Variants in YIPF1 observed in about 807,000 individuals in gnomAD.
The protein encoded by YIPF1 is protein YIPF1.
Under a neutral mutation model 37.0 loss-of-function variants are expected in YIPF1, and 22 were observed. The ratio of observed to expected loss-of-function variants is 0.59; its 90% CI spans 0.42 to 0.85. The LOEUF (loss-of-function observed/expected upper bound fraction) is 0.85, where lower values mean the gene tolerates loss of function less well. YIPF1 is among the 40% of genes least tolerant of loss of function. YIPF1 has a pLI of 0.00. For missense variants in YIPF1, 355 were observed against 373.1 expected (o/e 0.95, Z 0.40); for synonymous variants, 128 against 131.9 (o/e 0.97, Z 0.21).
At chr1:53,854,955 T>C (rs1041321792) in intron 10 of YIPF1, 5 of 151,694 alleles carry the variant, frequency 3.3e-5, no homozygotes, top group African/African-American at 1.2e-4. Context: ...TAGAAGAACA[T>C]ACGAGAGCTG....
chr1:53,869,872 CT>C (rs11304446), intron 7 of YIPF1, among the ~76,000 whole-genome samples: 41,789 of 125,406 alleles, frequency 0.33, 5,204 homozygotes, highest in East Asian at 0.49. Flanking sequence ...TTTCTCCCCG[CT>C]TTTTTTTTTT....
intron 7 of YIPF1, among the ~76,000 whole-genome samples, chr1:53,869,632 C>T (rs576987483): frequency 1.3e-5 from 2 of 152,142 alleles, no homozygotes; most frequent in South Asian, 4.1e-4. Context: ...AGGGAGAGAG[C>T]GAGGGAACTG....
chr1:53,859,851 A>G (rs1222046444), intron 10 of YIPF1, among the ~76,000 whole-genome samples: 1 of 152,178 alleles, frequency 6.6e-6, no homozygotes, highest in Non-Finnish European at 1.5e-5. Context: ...AACTCTATAA[A>G]GCCAGTATCA....
intron 10 of YIPF1, among the ~76,000 whole-genome samples, chr1:53,856,428 T>C (rs773794257): frequency 1.3e-5 from 2 of 152,220 alleles, no homozygotes; most frequent in Non-Finnish European, 2.9e-5. Flanking sequence ...CCCAGGAAAC[T>C]GTTGCCATTG....
chr1:53,888,694 A>G (rs1650721475), intron 3 of YIPF1, among the ~76,000 whole-genome samples: 1 of 152,186 alleles, frequency 6.6e-6, no homozygotes, highest in African/African-American at 2.4e-5. Context: ...AATTTATGAT[A>G]CTCGTTACCA....
intron 9 of YIPF1, among the ~76,000 whole-genome samples, chr1:53,863,780 C>T (rs1385185749): frequency 2.0e-5 from 3 of 152,122 alleles, no homozygotes; most frequent in Non-Finnish European, 4.4e-5. Context: ...CGATCTGTCA[C>T]CCAGGCTGGA....
intron 6 of YIPF1, among the ~76,000 whole-genome samples, chr1:53,873,770 G>C (rs547019690): frequency 1.2e-4 from 18 of 152,104 alleles, no homozygotes; most frequent in African/African-American, 4.1e-4. Context: ...GAGGCAGGCA[G>C]ATCACTTGAG....
chr1:53,859,214 G>A (rs1288018869), intron 10 of YIPF1, among the ~76,000 whole-genome samples: 1 of 152,184 alleles, frequency 6.6e-6, no homozygotes, highest in African/African-American at 2.4e-5. Context: ...TAACTGGGGA[G>A]ACATTGTAGT....
At chr1:53,884,149 T>G (rs112094986) in intron 3 of YIPF1, among the ~76,000 whole-genome samples, 37 of 149,466 alleles carry the variant, frequency 2.5e-4, no homozygotes, top group African/African-American at 8.7e-4. Flanking sequence ...GCAAGAGGAC[T>G]GCTCGAGCCT....
intron 9 of YIPF1, among the ~76,000 whole-genome samples, chr1:53,863,741 C>CT (rs139787412): frequency 0.02 from 3,061 of 151,768 alleles, 110 homozygotes; most frequent in African/African-American, 0.07. Flanking sequence ...GAAATGGGTT[C>CT]TTTTTTTTGT....
At chr1:53,861,681 GGAGA>G (rs1297728321) in intron 9 of YIPF1, among the ~76,000 whole-genome samples, 104 of 131,320 alleles carry the variant, frequency 7.9e-4, no homozygotes, top group South Asian at 3.7e-3. Flanking sequence ...AGGAAGGAAG[GGAGA>G]GAGAGAGGGA....
chr1:53,875,577 A>G (rs1048074348), intron 6 of YIPF1, among the ~76,000 whole-genome samples: 1 of 152,226 alleles, frequency 6.6e-6, no homozygotes, highest in African/African-American at 2.4e-5. Context: ...GCATTCAAGC[A>G]AATGCCAAAG....
chr1:53,866,377 C>T lies in YIPF1; in HGVS notation c.654G>A (p.Leu218=). The part of the protein sequence containing the change: ...SLFIYIPTAI[L]WIIPQKAVRW... ...GAACAGCTTTCTGGGGGATAATCCA[C>T]AGTATCTGAAAGAAGAGAAAAGGAG... is the stretch of plus-strand genomic sequence containing the variant. Residue 218 remains leucine (L), a synonymous_variant, in exon 9 of 11, where the codon CTG becomes CTA. Transcript: ENST00000072644. 1 of 1,613,730 alleles carries T rather than the reference C, an allele frequency of 6.2e-7. No homozygotes were observed. Among genetic ancestry groups the T allele is most frequent in the Non-Finnish European group, 8.5e-7 (1 of 1,179,794 alleles).
At chr1:53,860,202 G>T in intron 9 of YIPF1, 49 bp from the exon 10 acceptor site, 1 of 1,590,132 alleles carries the variant, frequency 6.3e-7, no homozygotes, top group Non-Finnish European at 8.6e-7. Context: ...CAGTGGTCCG[G>T]GTAAGTGTTT....
intron 3 of YIPF1, among the ~76,000 whole-genome samples, chr1:53,887,255 T>C (rs148295956): frequency 0.042 from 6,339 of 151,964 alleles, 181 homozygotes; most frequent in Middle Eastern, 0.1. Flanking sequence ...AATTTTTGTA[T>C]TTTTAGTGGA....
chr1:53,883,930 T>C (rs764884527), intron 3 of YIPF1, among the ~76,000 whole-genome samples: 9 of 151,892 alleles, frequency 5.9e-5, no homozygotes, highest in Non-Finnish European at 1.2e-4. Context: ...CCAGTTATGC[T>C]GGAGGCTGAG....
intron 6 of YIPF1, among the ~76,000 whole-genome samples, chr1:53,876,786 T>C (rs576006056): frequency 6.6e-6 from 1 of 152,250 alleles, no homozygotes; most frequent in African/African-American, 2.4e-5. Flanking sequence ...ATTAAATGAG[T>C]TAATACAGGT....
At chr1:53,882,133 T>C (rs991181372) in intron 4 of YIPF1, among the ~76,000 whole-genome samples, 2 of 152,098 alleles carry the variant, frequency 1.3e-5, no homozygotes, top group Non-Finnish European at 2.9e-5. Flanking sequence ...CACCACATCT[T>C]CTCACTTATA....
intron 8 of YIPF1, 105 bp downstream of exon 8, chr1:53,866,653 A>T: frequency 7.3e-7 from 1 of 1,378,188 alleles, no homozygotes; most frequent in Non-Finnish European, 9.8e-7. Flanking sequence ...TCAGAAGAAC[A>T]TGAGTATTGC....
Sources: allele counts gnomAD v4.1 joint callset (sites outside exome capture counted in the v4.1 genomes callset), GRCh38; gene constraint gnomAD v4.1.1; transcripts MANE v1.5; gene names NCBI Gene and HGNC (gene_info 2026-07-23, HGNC 2026-07-21).